CBARP: variants seen among roughly 807,000 people sequenced by gnomAD.
CBARP encodes voltage-dependent calcium channel beta subunit-associated regulatory protein.
In CBARP, 24 loss-of-function variants were observed where a neutral mutation model predicts 36.3. The ratio of observed to expected loss-of-function variants is 0.66; its 90% CI spans 0.48 to 0.93. CBARP has a LOEUF of 0.93. Among genes scored for constraint, CBARP ranks in the 40% least tolerant of loss-of-function variants. The pLI is 0.00. For synonymous variants in CBARP, 586 were observed against 453.2 expected (o/e 1.29, Z -3.72); for missense variants, 1,146 against 980.4 (o/e 1.17, Z -2.26).
At position 1,229,661 on chromosome 19, in the gene CBARP, T is replaced by C; in HGVS notation, c.1636A>G (p.Thr546Ala). Residue 546 changes from threonine (T) to alanine (A), a missense_variant, in exon 10 of 10, where the codon ACG (threonine) becomes GCG (alanine). Thr to Ala is a moderately conservative substitution (Grantham distance 58). Transcript: ENST00000650044. The surrounding 1 kb of genome is among the most constrained non-coding windows in gnomAD (Gnocchi z 5.1). ...PRRDYSIDEK[T>A]DALFHEFLRH... ...AGGAACTCGTGGAACAGCGCGTCCG[T>C]CTTCTCGTCGATGCTGTAGTCGCGG... The C allele has an allele frequency of 8.7e-7, 1 of 1,148,746 alleles. No homozygotes were observed. The highest frequency in any genetic ancestry group is 1.6e-5 in the South Asian group (1 of 63,588). The allele number at this position is 1,148,746 out of a possible 1,614,324, so 71.2% of individuals were successfully genotyped here.
chr19:1,230,168 G>A (rs2145445621), intron 9 of CBARP, 26 bp from the exon 10 acceptor site: 3 of 996,582 alleles, frequency 3.0e-6, no homozygotes, highest in South Asian at 8.2e-5. Context: ...CGCCGTCAGA[G>A]CCCCGCCGAG....
upstream of CBARP, chr19:1,238,458 G>T (rs1396624925): frequency 6.6e-6 from 1 of 151,704 alleles, no homozygotes; most frequent in African/African-American, 2.5e-5. Context: ...CCTCCCCTGT[G>T]TGACAGCGAT....
chr19:1,230,659 G>A (rs991091669), intron 9 of CBARP: 3 of 1,272,856 alleles, frequency 2.4e-6, no homozygotes, highest in Non-Finnish European at 3.0e-6. Flanking sequence ...TCCCACCGAC[G>A]TGGGCCCTGG....
rs1295200891 is a variant in CBARP, at chr19:1,229,684, C to T, written c.1613G>A (p.Arg538His). 9.4e-7 allele frequency: 1 copy of T among 1,066,030 alleles called. No individual in the cohort carries two copies. The highest frequency in any genetic ancestry group is 1.1e-6 in the Non-Finnish European group (1 of 871,594). The allele number at this position is 1,066,030 out of a possible 1,614,324, so 66.0% of individuals were successfully genotyped here. Residue 538 changes from arginine (R) to histidine (H), a missense_variant, in exon 10 of 10, where the codon CGC becomes CAC. Coordinates refer to ENST00000650044, the MANE Select transcript of CBARP (RefSeq NM_001393918.1). The surrounding 1 kb of genome is among the most constrained non-coding windows in gnomAD (Gnocchi z 5.1). ...SPRAWPRRPR[R>H]DYSIDEKTDA... ...CGTCTTCTCGTCGATGCTGTAGTCG[C>T]GGCGCGGGCGGCGGGGCCAGGCGCG...
At chr19:1,234,813 A>G in intron 5 of CBARP, 71 bp from the exon 6 acceptor site, 2 of 1,555,264 alleles carry the variant, frequency 1.3e-6, no homozygotes, top group Non-Finnish European at 1.7e-6. Context: ...GTGCTCTGCC[A>G]TCCACCCTGC....
chr19:1,231,092 G>A lies in CBARP; in HGVS notation c.1154+9C>T. The A allele has an allele frequency of 1.3e-6, 2 of 1,595,480 alleles. No individual in the cohort carries two copies. The highest frequency in any genetic ancestry group is 1.7e-6 in the Non-Finnish European group (2 of 1,169,640). The stretch of plus-strand genomic sequence containing the variant: ...TCCACCCCTAGCACCTCCATCTACT[G>A]AAAAATACCTGCCGAGAGCAGGGGG... On this transcript the variant is annotated intron_variant, in intron 9 of 9. Coordinates refer to ENST00000650044, the MANE Select transcript of CBARP (RefSeq NM_001393918.1).
chr19:1,233,675 T>C, intron 7 of CBARP, 39 bp from the exon 8 acceptor site: 1 of 1,560,882 alleles, frequency 6.4e-7, no homozygotes, highest in Non-Finnish European at 8.7e-7. Context: ...CTAAGACTTC[T>C]TCCTGGGCCC....
chr19:1,231,197 T>G lies in CBARP; in HGVS notation c.1058A>C (p.Gln353Pro). 6.2e-7 allele frequency: 1 copy of G among 1,603,994 alleles called. No homozygotes were observed. Among genetic ancestry groups the G allele is most frequent in the South Asian group, 1.1e-5 (1 of 91,068 alleles). The change falls in exon 9 of 10, where the codon CAG (glutamine) becomes CCG (proline). Residue 353 changes from glutamine to proline, a missense_variant. Physicochemically the swap from Gln to Pro is moderately conservative, Grantham distance 76. Coordinates refer to ENST00000650044, the MANE Select transcript of CBARP (RefSeq NM_001393918.1). ...STEQEEGDAP[Q>P]EDFIQYIARA... ...GGCAATGTACTGGATGAAGTCCTCCTGGGGGGCATCCCCCTCCTCCTGCTC... is the reference window on the plus strand; with the variant it reads ...GGCAATGTACTGGATGAAGTCCTCCGGGGGGGCATCCCCCTCCTCCTGCTC...
chr19:1,233,333 C>T (rs896998937), intron 8 of CBARP, 93 bp downstream of exon 8: 1 of 1,307,064 alleles, frequency 7.7e-7, no homozygotes, highest in Non-Finnish European at 1.0e-6. Flanking sequence ...CCCACCCAGC[C>T]CACAACCTCC....
chr19:1,228,398 A>T lies in CBARP; in HGVS notation c.*781T>A. 1 of 228,444 alleles carries T rather than the reference A, an allele frequency of 4.4e-6. No individual in the cohort carries two copies. Among genetic ancestry groups the T allele is most frequent in the Non-Finnish European group, 8.7e-6 (1 of 115,038 alleles). 14.2% of individuals were successfully genotyped at this position (228,444 alleles called of 1,614,324 possible). A position where few individuals can be genotyped will look rare whatever the true frequency, so the allele number is the denominator to read the frequency against. ...GGTGCCGTGCGGGCGAGGCCGCCCA[A>T]ATTTGGCAATAAATAAAGCTTGGGA... On this transcript the variant is annotated 3_prime_UTR_variant, in exon 10 of 10. Transcript: ENST00000650044.
At chr19:1,232,101 C>T (rs2080901952) in intron 8 of CBARP, among the ~76,000 whole-genome samples, 1 of 152,120 alleles carries the variant, frequency 6.6e-6, no homozygotes, top group South Asian at 2.1e-4. Context: ...CCACCCCTGC[C>T]TCGGCCCCCT....
chr19:1,231,474 G>C (rs912632070), intron 8 of CBARP, among the ~76,000 whole-genome samples, 199 bp from the exon 9 acceptor site: 25 of 80,346 alleles, frequency 3.1e-4, no homozygotes, highest in African/African-American at 9.9e-4. Context: ...CCCACACACA[G>C]AACGCCTGTG....
chr19:1,229,459 C>T lies in CBARP; in HGVS notation c.1838G>A (p.Arg613His), dbSNP rs956476317. Residue 613 changes from arginine (R) to histidine (H), a missense_variant, in exon 10 of 10, where the codon CGT becomes CAT. Transcript: ENST00000650044. The surrounding 1 kb of genome is among the most constrained non-coding windows in gnomAD (Gnocchi z 5.1). ...APPAGAARPARAPLRRGDSVD... is the reference protein window; with the variant it reads ...APPAGAARPAHAPLRRGDSVD... ...GCTGTCGCCGCGCCGCAAGGGCGCA[C>T]GCGCGGGTCGGGCCGCGCCGGCAGG... 6.1e-6 allele frequency: 6 copies of T among 978,910 alleles called. No individual in the cohort carries two copies. The highest frequency in any genetic ancestry group is 7.2e-6 in the Non-Finnish European group (6 of 827,612). The allele number at this position is 978,910 out of a possible 1,614,324, so 60.6% of individuals were successfully genotyped here.
At chr19:1,230,559 A>G (rs887504037) in intron 9 of CBARP, 16 of 1,093,110 alleles carry the variant, frequency 1.5e-5, no homozygotes, top group Non-Finnish European at 1.7e-5. Context: ...GATAACCAGC[A>G]GGAGGACAGT....
At chr19:1,230,960 C>G (rs1734657526) in intron 9 of CBARP, 141 bp downstream of exon 9, 1 of 1,570,606 alleles carries the variant, frequency 6.4e-7, no homozygotes, top group Admixed American at 1.8e-5. Context: ...GAGTCCGCCT[C>G]TGGGAGGGGC....
intron 5 of CBARP, 79 bp downstream of exon 5, chr19:1,234,922 C>T (rs879794122): frequency 2.4e-4 from 364 of 1,530,202 alleles, no homozygotes; most frequent in Non-Finnish European, 3.0e-4. Context: ...CTGCAGCCTC[C>T]GCACCCAGCT....
intron 9 of CBARP, chr19:1,230,866 CCCT>C (rs749556660): frequency 6.7e-7 from 1 of 1,500,666 alleles, no homozygotes; most frequent in South Asian, 1.3e-5. Flanking sequence ...CTCGGGGGGC[CCCT>C]CCTCCCCACC....
At chr19:1,236,522 G>A (rs532524580) in intron 1 of CBARP, among the ~76,000 whole-genome samples, 2 of 151,976 alleles carry the variant, frequency 1.3e-5, no homozygotes, top group Non-Finnish European at 2.9e-5. Context: ...CGCCCTGTCC[G>A]CCCCATCACG....
Position 1,234,229 on chromosome 19 carries a change from T to C in CBARP, c.730A>G (p.Ser244Gly). 2 of 1,513,704 alleles carry C rather than the reference T, an allele frequency of 1.3e-6. No individual in the cohort carries two copies. Among genetic ancestry groups the C allele is most frequent in the East Asian group, 2.4e-5 (1 of 41,612 alleles). 93.8% of individuals were successfully genotyped at this position (1,513,704 alleles called of 1,614,324 possible). A position where few individuals can be genotyped will look rare whatever the true frequency, so the allele number is the denominator to read the frequency against. The change falls in exon 7 of 10, where the codon AGC (serine) becomes GGC (glycine). Residue 244 changes from serine (S) to glycine (G), a missense_variant. Physicochemically the swap from Ser to Gly is moderately conservative, Grantham distance 56. Transcript: ENST00000650044. ...CCAGAGTCGCTAGATGCCGAGGGGC[T>C]GATCTCTGCGAAGTCAGTGGCGCCC... is the stretch of plus-strand genomic sequence containing the variant. Reference protein sequence around the residue: ...AAGATDFAEISPSASSDSGEG... With the variant: ...AAGATDFAEIGPSASSDSGEG...
Sources: gnomAD v4.1 joint callset for allele counts (sites outside exome capture counted in the v4.1 genomes callset) on GRCh38, gnomAD v4.1.1 for gene constraint, Gnocchi (gnomAD v3.1) non-coding constraint, MANE v1.5 for transcripts, NCBI Gene and HGNC (gene_info 2026-07-23, HGNC 2026-07-21) for gene names.